Variants in CACNA2D1 observed in about 807,000 individuals in gnomAD.
CACNA2D1 encodes the protein voltage-dependent calcium channel subunit alpha-2/delta-1.
CACNA2D1 carries 53 observed loss-of-function variants against 171.5 expected under a neutral mutation model. That is an observed-to-expected ratio of 0.31 (90% CI 0.25 to 0.39). The LOEUF is 0.39. Among genes scored for constraint, CACNA2D1 ranks in the 10% least tolerant of loss-of-function variants. CACNA2D1 has a pLI of 1.00. For synonymous variants in CACNA2D1, 442 were observed against 443.1 expected, an observed-to-expected ratio of 1.00 and a Z score of 0.03; for missense variants, 903 against 1,299.8, an observed-to-expected ratio of 0.69 and a Z score of 4.69.
chr7:82,308,427 G>C (rs1254272127), intron 3 of CACNA2D1, among the ~76,000 whole-genome samples: 1 of 152,124 alleles, frequency 6.6e-6, no homozygotes, highest in Non-Finnish European at 1.5e-5. Flanking sequence ...CTTCCTCATA[G>C]AGCCCCAACA....
At chr7:82,099,422 C>CTTTTTTTTTTTTTTTTTTT (rs932080938) in intron 6 of CACNA2D1, among the ~76,000 whole-genome samples, 6 of 40,292 alleles carry the variant, frequency 1.5e-4, no homozygotes, top group East Asian at 8.3e-4. Context: ...GCAATACCTT[C>CTTTTTTTTTTTTTTTTTTT]TTTTTTTTTT....
intron 1 of CACNA2D1, among the ~76,000 whole-genome samples, chr7:82,377,327 A>G (rs996439008): frequency 3.3e-5 from 5 of 152,196 alleles, no homozygotes; most frequent in Non-Finnish European, 2.9e-5. Flanking sequence ...ATATTGGATC[A>G]ATGCAATTGT....
At chr7:82,364,826 A>G (rs1821497300) in intron 1 of CACNA2D1, among the ~76,000 whole-genome samples, 1 of 152,178 alleles carries the variant, frequency 6.6e-6, no homozygotes, top group Non-Finnish European at 1.5e-5. Flanking sequence ...GATGGGACAG[A>G]AGGGAAAGTT....
intron 3 of CACNA2D1, among the ~76,000 whole-genome samples, chr7:82,261,016 G>A (rs1024966608): frequency 4.6e-5 from 7 of 151,414 alleles, no homozygotes; most frequent in Middle Eastern, 3.4e-3. Context: ...GTGCAGTAGC[G>A]CAGTCTCGGC....
At chr7:82,308,263 CTT>C (rs1813980014) in intron 3 of CACNA2D1, among the ~76,000 whole-genome samples, 1 of 152,314 alleles carries the variant, frequency 6.6e-6, no homozygotes, top group East Asian at 1.9e-4. Flanking sequence ...ACCCATATTT[CTT>C]CCATTGGGTC....
At chr7:82,084,053 G>A (rs1230980570) in intron 7 of CACNA2D1, among the ~76,000 whole-genome samples, 1 of 152,206 alleles carries the variant, frequency 6.6e-6, no homozygotes, top group African/African-American at 2.4e-5. Context: ...CTAAAAAGTG[G>A]AGAAAGTAAA....
At position 82,124,773 on chromosome 7, in the gene CACNA2D1, G is replaced by T. The variant is rs547733931; in HGVS notation, c.397-7600C>A. ...CCAGTTCTTTCTTCAAAATGCCAAG[G>T]ACCTGGACACCCTCCACCGGTAACA... On this transcript the variant is annotated intron_variant, in intron 5 of 38. Coordinates refer to ENST00000356860, the MANE Select transcript of CACNA2D1 (RefSeq NM_000722.4). 2.1e-3 allele frequency among the ~76,000 whole-genome samples: 318 copies of T among 151,904 alleles called. 1 individual carries two copies. The highest frequency in any genetic ancestry group is 6.8e-3 in the Middle Eastern group (2 of 292).
chr7:82,023,182 A>C (rs1801455518), intron 12 of CACNA2D1, among the ~76,000 whole-genome samples: 1 of 151,804 alleles, frequency 6.6e-6, no homozygotes, highest in African/African-American at 2.4e-5. Flanking sequence ...ATTTTTAAGG[A>C]GGTCTCATGT....
At chr7:81,964,862 G>A (rs73705424) in intron 32 of CACNA2D1, among the ~76,000 whole-genome samples, 64 of 151,934 alleles carry the variant, frequency 4.2e-4, no homozygotes, top group African/African-American at 1.5e-3. Context: ...TTGGCTTGAC[G>A]CAGTAATCAC....
At chr7:81,967,254 T>G (rs1294287793) in intron 30 of CACNA2D1, 47 bp from the exon 31 acceptor site, 3 of 1,378,154 alleles carry the variant, frequency 2.2e-6, no homozygotes, top group Middle Eastern at 1.8e-4. Flanking sequence ...AAAGTTGGAT[T>G]TTAATTATAT....
intron 3 of CACNA2D1, among the ~76,000 whole-genome samples, chr7:82,276,413 T>C (rs1180660164): frequency 6.6e-6 from 1 of 152,106 alleles, no homozygotes; most frequent in East Asian, 1.9e-4. Context: ...GAAGCAAGGA[T>C]AGTGACAGAC....
intron 3 of CACNA2D1, among the ~76,000 whole-genome samples, chr7:82,233,253 G>C (rs1803164874): frequency 6.6e-6 from 1 of 152,052 alleles, no homozygotes. Context: ...TTCACAACAT[G>C]AACATTTCTA....
intron 6 of CACNA2D1, among the ~76,000 whole-genome samples, chr7:82,091,078 C>T (rs965521012): frequency 6.6e-6 from 1 of 151,820 alleles, no homozygotes; most frequent in Non-Finnish European, 1.5e-5. Context: ...ATTAAGTGCA[C>T]AGGGAAAAAA....
At chr7:82,249,236 T>C (rs1427013996) in intron 3 of CACNA2D1, among the ~76,000 whole-genome samples, 4 of 151,980 alleles carry the variant, frequency 2.6e-5, no homozygotes, top group Non-Finnish European at 5.9e-5. Flanking sequence ...CACTAGGAAA[T>C]ACTTCAAAGA....
intron 4 of CACNA2D1, among the ~76,000 whole-genome samples, chr7:82,144,962 C>T (rs1011201283): frequency 6.6e-6 from 1 of 151,618 alleles, no homozygotes; most frequent in African/African-American, 2.4e-5. Flanking sequence ...TTCTTTCATA[C>T]GAATAAATAA....
At chr7:82,241,863 G>A (rs148532657) in intron 3 of CACNA2D1, among the ~76,000 whole-genome samples, 22 of 152,162 alleles carry the variant, frequency 1.4e-4, no homozygotes, top group South Asian at 4.1e-4. Context: ...ATTCCTAGGC[G>A]GTAAATTTGT....
intron 3 of CACNA2D1, among the ~76,000 whole-genome samples, chr7:82,271,017 T>C (rs1294597568): frequency 6.6e-6 from 1 of 152,120 alleles, no homozygotes; most frequent in Non-Finnish European, 1.5e-5. Context: ...CCCATGAGAC[T>C]CTGGCTCTAT....
At chr7:82,024,017 A>C (rs1198920722) in intron 12 of CACNA2D1, 1 of 151,788 alleles carries the variant, frequency 6.6e-6, no homozygotes, top group East Asian at 1.9e-4. Flanking sequence ...GTAGCATTGC[A>C]TTGTATGTAT....
At chr7:82,384,136 A>T in intron 1 of CACNA2D1, among the ~76,000 whole-genome samples, 1 of 152,136 alleles carries the variant, frequency 6.6e-6, no homozygotes, top group Admixed American at 6.5e-5. Flanking sequence ...TAAAACCAAG[A>T]GAATTAAGGT....
Sources: gnomAD v4.1 joint callset for allele counts (sites outside exome capture counted in the v4.1 genomes callset) on GRCh38, gnomAD v4.1.1 for gene constraint, MANE v1.5 for transcripts, NCBI Gene and HGNC (gene_info 2026-07-23, HGNC 2026-07-21) for gene names.